Variants in MRPL18 observed in about 807,000 individuals in gnomAD.
MRPL18 encodes mitochondrial ribosomal protein L18.
Under a neutral mutation model 20.9 loss-of-function variants are expected in MRPL18, and 16 were observed. The ratio of observed to expected loss-of-function variants is 0.76; its 90% CI spans 0.52 to 1.16. MRPL18 has a LOEUF of 1.16. MRPL18 is among the 50% of genes most tolerant of loss of function. MRPL18 has a pLI of 0.00. For synonymous variants in MRPL18, 91 were observed against 87.1 expected (o/e 1.04, Z -0.25); for missense variants, 233 against 230.6 (o/e 1.01, Z -0.07).
intron 2 of MRPL18, 98 bp from the exon 3 acceptor site, chr6:159,797,189 G>A: frequency 8.5e-7 from 1 of 1,177,312 alleles, no homozygotes; most frequent in South Asian, 1.4e-5. Context: ...ACCAAACACT[G>A]GATTGTTGAA....
At chr6:159,790,325 TA>T (rs1315008937), upstream of MRPL18, 4 of 597,922 alleles carry the variant, frequency 6.7e-6, no homozygotes, top group Non-Finnish European at 6.0e-6. Flanking sequence ...GTCTTGGGCG[TA>T]GCTACGAGGT....
chr6:159,792,100 T>C (rs779298193), intron 2 of MRPL18, among the ~76,000 whole-genome samples: 2 of 152,230 alleles, frequency 1.3e-5, no homozygotes, highest in Admixed American at 6.5e-5. Flanking sequence ...GAAGCAGTTA[T>C]AATTTCCCCC....
upstream of MRPL18, chr6:159,789,821 A>C (rs1056673832): frequency 5.6e-6 from 2 of 356,792 alleles, no homozygotes; most frequent in Non-Finnish European, 1.1e-5. Flanking sequence ...CGCTGGGAAG[A>C]GGTTGAACCT....
intron 2 of MRPL18, among the ~76,000 whole-genome samples, chr6:159,794,617 C>T (rs911899889): frequency 1.8e-4 from 27 of 152,260 alleles, no homozygotes; most frequent in African/African-American, 6.5e-4. Flanking sequence ...AGTGTTGCAT[C>T]GAATTGTCTT....
intron 2 of MRPL18, among the ~76,000 whole-genome samples, chr6:159,794,641 G>T (rs546309334): frequency 6.6e-6 from 1 of 152,260 alleles, no homozygotes; most frequent in South Asian, 2.1e-4. Context: ...CATGCATTTT[G>T]TTAGTGAGAT....
upstream of MRPL18, chr6:159,790,449 T>G: frequency 1.9e-6 from 2 of 1,048,320 alleles, no homozygotes; most frequent in Non-Finnish European, 1.4e-6. Context: ...TACTTCCGGG[T>G]CGGTGGCGTC....
Position 159,798,327 on chromosome 6 carries a change from C to A in MRPL18, c.*204C>A. The A allele has an allele frequency of 2.2e-6, 1 of 452,434 alleles. No homozygotes were observed. Among genetic ancestry groups the A allele is most frequent in the Non-Finnish European group, 3.9e-6 (1 of 256,650 alleles). The allele number at this position is 452,434 out of a possible 1,614,324, so 28.0% of individuals were successfully genotyped here. On this transcript the variant is annotated 3_prime_UTR_variant, in exon 4 of 4. Transcript: ENST00000367034. ...TACGTTCTGCCCCTCTCTTGGGCTTCAGAAGCATCTAAGAAAAGCAGTCAT... is the reference window on the plus strand; with the variant it reads ...TACGTTCTGCCCCTCTCTTGGGCTTAAGAAGCATCTAAGAAAAGCAGTCAT...
At chr6:159,792,025 T>G (rs541035526) in intron 2 of MRPL18, among the ~76,000 whole-genome samples, 5 of 152,332 alleles carry the variant, frequency 3.3e-5, no homozygotes, top group African/African-American at 1.2e-4. Flanking sequence ...AACACTTACA[T>G]TTGCCAGGAA....
chr6:159,790,350 C>A, upstream of MRPL18: 3 of 622,818 alleles, frequency 4.8e-6, no homozygotes, highest in Admixed American at 7.2e-5. Context: ...TGGTGGGCTC[C>A]AGGGCCTGCG....
In MRPL18 at chr6:159,790,478, G is replaced by A. The variant is rs1032658159; in HGVS notation, c.-110G>A. The stretch of plus-strand genomic sequence containing the variant: ...TGGCGTCTGGCGTGGAGAGTTTGGG[G>A]ATCTACAGCAGCCAAAGGCTTGTCC... On this transcript the variant is annotated 5_prime_UTR_variant, in exon 1 of 4. Transcript: ENST00000367034. The A allele has an allele frequency of 5.5e-6, 8 of 1,450,098 alleles. No individual in the cohort carries two copies. Among genetic ancestry groups the A allele is most frequent in the Non-Finnish European group, 7.7e-6 (8 of 1,042,588 alleles). 89.8% of individuals were successfully genotyped at this position (1,450,098 alleles called of 1,614,324 possible).
In MRPL18 at chr6:159,791,071, G is replaced by C; in HGVS notation, c.184G>C (p.Ala62Pro). The change falls in exon 2 of 4, where the codon GCC becomes CCC. Residue 62 changes from alanine (A) to proline (P), a missense_variant. By Grantham distance (27) the Ala-to-Pro change is conservative (BLOSUM62 -1). Transcript: ENST00000367034. ...NPRNLELLSVARKERGWRTVF... is the reference protein window; with the variant it reads ...NPRNLELLSVPRKERGWRTVF... ...CCGGAACCTGGAGCTTTTATCTGTA[G>C]CCAGGAAAGAGCGGGGCTGGCGGAC... 3 of 1,614,210 alleles carry C rather than the reference G, an allele frequency of 1.9e-6. No individual in the cohort carries two copies. The highest frequency in any genetic ancestry group is 2.5e-6 in the Non-Finnish European group (3 of 1,180,036).
At position 159,790,644 on chromosome 6, in the gene MRPL18, T is replaced by C. The variant is rs200343910; in HGVS notation, c.52+5T>C. On this transcript the variant is annotated splice_donor_5th_base_variant and intron_variant, in intron 1 of 3. Transcript: ENST00000367034. Reference sequence around the variant, plus strand: ...TCTCGGTTTGCAGGAACCCTGGTAATTAGTCTTGCCCCCCTTCTCCCAGCT... The same window carrying C: ...TCTCGGTTTGCAGGAACCCTGGTAACTAGTCTTGCCCCCCTTCTCCCAGCT... The C allele has an allele frequency of 4.7e-4, 752 of 1,614,012 alleles. 3 individuals carry two copies. Among genetic ancestry groups the C allele is most frequent in the Middle Eastern group, 2.0e-3 (12 of 6,060 alleles).
At chr6:159,796,530 G>C (rs1781033217) in intron 2 of MRPL18, among the ~76,000 whole-genome samples, 1 of 151,772 alleles carries the variant, frequency 6.6e-6, no homozygotes, top group Non-Finnish European at 1.5e-5. Flanking sequence ...GCTCATGCCT[G>C]TAATCCCAGT....
intron 2 of MRPL18, among the ~76,000 whole-genome samples, chr6:159,792,082 T>C (rs779180706): frequency 1.3e-5 from 2 of 152,226 alleles, no homozygotes; most frequent in Non-Finnish European, 2.9e-5. Flanking sequence ...TCCTTAAAAT[T>C]ACATCATGAA....
Position 159,790,656 on chromosome 6 carries a change from C to G in MRPL18, c.52+17C>G, listed in dbSNP as rs781010542. Reference sequence around the variant, plus strand: ...GGAACCCTGGTAATTAGTCTTGCCCCCCTTCTCCCAGCTCACTCGCCTGGG... The same window carrying G: ...GGAACCCTGGTAATTAGTCTTGCCCGCCTTCTCCCAGCTCACTCGCCTGGG... On this transcript the variant is annotated intron_variant, in intron 1 of 3. Transcript: ENST00000367034. 1.9e-6 allele frequency: 3 copies of G among 1,613,838 alleles called. No homozygotes were observed. Among genetic ancestry groups the G allele is most frequent in the Non-Finnish European group, 2.5e-6 (3 of 1,179,816 alleles).
intron 2 of MRPL18, among the ~76,000 whole-genome samples, chr6:159,796,392 A>AT (rs2115011475): frequency 6.7e-6 from 1 of 148,988 alleles, no homozygotes; most frequent in African/African-American, 2.5e-5. Flanking sequence ...AGGTGGAAGG[A>AT]TGACTTGATC....
intron 2 of MRPL18, 130 bp downstream of exon 2, chr6:159,791,256 A>G: frequency 9.7e-7 from 1 of 1,034,762 alleles, no homozygotes; most frequent in East Asian, 2.5e-5. Context: ...AGGGGCTGGA[A>G]CAAACAACAA....
In MRPL18 at chr6:159,790,502, C is replaced by T. The variant is rs1411147933; in HGVS notation, c.-86C>T. 3 of 1,584,786 alleles carry T rather than the reference C, an allele frequency of 1.9e-6. No homozygotes were observed. The highest frequency in any genetic ancestry group is 1.7e-5 in the Admixed American group (1 of 59,514). On this transcript the variant is annotated 5_prime_UTR_variant, in exon 1 of 4. Transcript: ENST00000367034. ...GGATCTACAGCAGCCAAAGGCTTGTCCCTGACTTTATATGGCTGCTCCTGG... is the reference window on the plus strand; with the variant it reads ...GGATCTACAGCAGCCAAAGGCTTGTTCCTGACTTTATATGGCTGCTCCTGG...
At chr6:159,791,602 T>C (rs549981684) in intron 2 of MRPL18, among the ~76,000 whole-genome samples, 1 of 152,186 alleles carries the variant, frequency 6.6e-6, no homozygotes, top group African/African-American at 2.4e-5. Flanking sequence ...CCCGAATTGG[T>C]TTTTCAAGAT....
Sources: gnomAD v4.1 joint callset for allele counts (sites outside exome capture counted in the v4.1 genomes callset) on GRCh38, gnomAD v4.1.1 for gene constraint, MANE v1.5 for transcripts, NCBI Gene and HGNC (gene_info 2026-07-23, HGNC 2026-07-21) for gene names.